The following OPCML variants were observed in gnomAD, a reference collection of about 807,000 sequenced individuals.
OPCML encodes opioid binding protein/cell adhesion molecule like.
In OPCML, 13 loss-of-function variants were observed where a neutral mutation model predicts 37.8. The ratio of observed to expected loss-of-function variants is 0.34; its 90% CI spans 0.22 to 0.55. The LOEUF (loss-of-function observed/expected upper bound fraction) is 0.55, where lower values mean the gene tolerates loss of function less well. OPCML is among the 20% of genes least tolerant of loss of function. The pLI, the probability that OPCML is intolerant of heterozygous loss-of-function variation, is 0.91. For synonymous variants in OPCML, 176 were observed against 168.8 expected (o/e 1.04, Z -0.33); for missense variants, 341 against 435.6 (o/e 0.78, Z 1.93).
chr11:132,554,368 A>T (rs910350835), intron 3 of OPCML, among the ~76,000 whole-genome samples: 1 of 152,180 alleles, frequency 6.6e-6, no homozygotes, highest in African/African-American at 2.4e-5. Context: ...GCCCTTCTAT[A>T]CTGTGTCAAA....
chr11:133,160,969 G>A (rs1029161746), intron 1 of OPCML, among the ~76,000 whole-genome samples: 2 of 152,234 alleles, frequency 1.3e-5, no homozygotes, highest in African/African-American at 4.8e-5. Flanking sequence ...CCTGGAAGCA[G>A]CCCCGGCCCA....
At chr11:132,588,782 C>G (rs2096478647) in intron 3 of OPCML, among the ~76,000 whole-genome samples, 1 of 152,286 alleles carries the variant, frequency 6.6e-6, no homozygotes. Flanking sequence ...ACAGCTTCAC[C>G]TGTAGCCAGG....
chr11:133,168,715 G>C lies in OPCML; in HGVS notation c.62-225705C>G, dbSNP rs480035. Among the ~76,000 whole-genome samples the C allele has an allele frequency of 8.7e-3, 1,324 of 152,258 alleles. 12 individuals carry two copies. Among genetic ancestry groups the C allele is most frequent in the South Asian group, 0.014 (66 of 4,824 alleles). On this transcript the variant is annotated intron_variant, in intron 1 of 7. Transcript: ENST00000524381. ...TGTAAAGATCAGTATGCAAACAAAA[G>C]CTAGACCACTCATACCCAGCATGCC...
intron 2 of OPCML, among the ~76,000 whole-genome samples, chr11:132,931,246 G>A (rs73586421): frequency 0.049 from 7,494 of 151,864 alleles, 596 homozygotes; most frequent in African/African-American, 0.17. Flanking sequence ...TCATGAGATC[G>A]GATTTGTTGG....
rs142439601 is a variant in OPCML at position 132,509,618 on chromosome 11, C to T, written c.505+19443G>A. Reference sequence around the variant, plus strand: ...GTGGCTGAAAGGGGCACATGTACAGCGCAGGCTGTGGCTTCAGAGGGTGGA... The same window carrying T: ...GTGGCTGAAAGGGGCACATGTACAGTGCAGGCTGTGGCTTCAGAGGGTGGA... On this transcript the variant is annotated intron_variant, in intron 4 of 7. Coordinates refer to ENST00000524381, the MANE Select transcript of OPCML (RefSeq NM_001012393.5). 6.1e-3 allele frequency among the ~76,000 whole-genome samples: 925 copies of T among 152,312 alleles called. 10 individuals carry two copies. The highest frequency in any genetic ancestry group is 0.011 in the Non-Finnish European group (738 of 68,032).
At chr11:132,952,035 A>G (rs1945871373) in intron 1 of OPCML, among the ~76,000 whole-genome samples, 2 of 152,258 alleles carry the variant, frequency 1.3e-5, no homozygotes, top group Non-Finnish European at 2.9e-5. Flanking sequence ...GAAGACTTAC[A>G]GCTTGTGTTT....
intron 1 of OPCML, among the ~76,000 whole-genome samples, chr11:132,956,438 C>A (rs573109619): frequency 6.6e-6 from 1 of 152,140 alleles, no homozygotes; most frequent in Non-Finnish European, 1.5e-5. Flanking sequence ...ATGATAGTGC[C>A]CCGCCTTTAT....
At chr11:133,357,470 A>T (rs1236077258) in intron 1 of OPCML, among the ~76,000 whole-genome samples, 3 of 152,356 alleles carry the variant, frequency 2.0e-5, no homozygotes, top group African/African-American at 2.4e-5. Flanking sequence ...TATCTGCAGC[A>T]GTTCTTGGCA....
chr11:132,432,844 G>A (rs1034726378), intron 7 of OPCML, among the ~76,000 whole-genome samples: 10 of 152,164 alleles, frequency 6.6e-5, no homozygotes, highest in Admixed American at 6.6e-5. Flanking sequence ...TAGAAACAAG[G>A]AATCTATCTG....
chr11:133,014,792 ACATTGGT>A (rs1947289123), intron 1 of OPCML, among the ~76,000 whole-genome samples: 1 of 152,242 alleles, frequency 6.6e-6, no homozygotes, highest in Non-Finnish European at 1.5e-5. Flanking sequence ...GACATTTTGA[ACATTGGT>A]CATAGCCAGT....
intron 2 of OPCML, among the ~76,000 whole-genome samples, chr11:132,677,545 T>C (rs1942762019): frequency 6.6e-6 from 1 of 152,164 alleles, no homozygotes; most frequent in African/African-American, 2.4e-5. Context: ...CATGTATTAT[T>C]GGCCAAAGAA....
intron 1 of OPCML, among the ~76,000 whole-genome samples, chr11:133,107,512 A>G (rs1047517026): frequency 6.6e-6 from 1 of 152,194 alleles, no homozygotes; most frequent in African/African-American, 2.4e-5. Context: ...CAACCTATTT[A>G]TCCAGACAAC....
chr11:132,643,319 G>A (rs1377700039), intron 3 of OPCML, among the ~76,000 whole-genome samples: 1 of 152,202 alleles, frequency 6.6e-6, no homozygotes, highest in Non-Finnish European at 1.5e-5. Flanking sequence ...CTTGCTGAAG[G>A]AGCTCAGGCA....
At chr11:133,136,743 A>C (rs1450557417) in intron 1 of OPCML, among the ~76,000 whole-genome samples, 1 of 151,924 alleles carries the variant, frequency 6.6e-6, no homozygotes, top group Non-Finnish European at 1.5e-5. Context: ...GTAAGATTGG[A>C]AATTTAGGAT....
At chr11:132,973,095 C>T (rs903661700) in intron 1 of OPCML, among the ~76,000 whole-genome samples, 11 of 152,152 alleles carry the variant, frequency 7.2e-5, no homozygotes, top group Admixed American at 2.6e-4. Context: ...AACTTTTGTG[C>T]TAGTGCCAGA....
At chr11:132,509,164 G>C (rs1486672610) in intron 4 of OPCML, among the ~76,000 whole-genome samples, 4 of 152,274 alleles carry the variant, frequency 2.6e-5, no homozygotes, top group Non-Finnish European at 4.4e-5. Context: ...TTTTGTCCTT[G>C]TCCTACAGAT....
chr11:133,505,303 G>T (rs1289854525), intron 1 of OPCML, among the ~76,000 whole-genome samples: 1 of 152,352 alleles, frequency 6.6e-6, no homozygotes, highest in Admixed American at 6.5e-5. Context: ...GCAGGGACAA[G>T]GGGACCTCAC....
At chr11:132,523,340 C>G (rs1165273364) in intron 4 of OPCML, among the ~76,000 whole-genome samples, 1 of 152,194 alleles carries the variant, frequency 6.6e-6, no homozygotes, top group Non-Finnish European at 1.5e-5. Flanking sequence ...ATTTATCATC[C>G]TCATATATCT....
chr11:133,307,341 G>A (rs1484942135), intron 1 of OPCML, among the ~76,000 whole-genome samples: 1 of 152,066 alleles, frequency 6.6e-6, no homozygotes, highest in East Asian at 1.9e-4. Flanking sequence ...TATGTAGCTG[G>A]TCATGCATAT....
Sources: allele counts gnomAD v4.1 joint callset (sites outside exome capture counted in the v4.1 genomes callset), GRCh38; gene constraint gnomAD v4.1.1; transcripts MANE v1.5; gene names NCBI Gene and HGNC (gene_info 2026-07-23, HGNC 2026-07-21).